CDYL2: variants seen among roughly 807,000 people sequenced by gnomAD.
The protein encoded by CDYL2 is chromodomain Y-like protein 2.
Under a neutral mutation model 49.4 loss-of-function variants are expected in CDYL2, and 23 were observed. The observed-to-expected ratio is 0.47, with a 90% confidence interval of 0.34 to 0.66. The LOEUF is 0.66. Among genes scored for constraint, CDYL2 ranks in the 30% least tolerant of loss-of-function variants. The probability of loss-of-function intolerance (pLI) is 0.01; values close to 1 mark genes in which losing one functional copy is unlikely to be tolerated. For synonymous variants in CDYL2, 360 were observed against 268.8 expected (o/e 1.34, Z -3.32); for missense variants, 678 against 656.4 (o/e 1.03, Z -0.36).
chr16:80,605,218 G>T (rs1906276597), intron 6 of CDYL2, among the ~76,000 whole-genome samples: 1 of 151,160 alleles, frequency 6.6e-6, no homozygotes, highest in Non-Finnish European at 1.5e-5. Flanking sequence ...GATCATAAAT[G>T]ATCTATGATT....
intron 1 of CDYL2, among the ~76,000 whole-genome samples, chr16:80,730,957 T>C (rs111685599): frequency 9.2e-5 from 14 of 151,382 alleles, no homozygotes; most frequent in African/African-American, 3.1e-4. Context: ...TAGGAAGGAG[T>C]GGAAAGAGTA....
At chr16:80,788,574 G>A (rs1170601283) in intron 1 of CDYL2, among the ~76,000 whole-genome samples, 1 of 152,222 alleles carries the variant, frequency 6.6e-6, no homozygotes, top group Non-Finnish European at 1.5e-5. Context: ...ACAGTGCTAT[G>A]ATAGAAGTAT....
rs59240300 is a variant in CDYL2, at chr16:80,759,102, CTATATATATATA to C, written c.24+45036_24+45047del. ...AAATGTAATATCTACAAACCATATACTATATATATATATATATATATATATATATATATATAT... is the reference window on the plus strand; with the variant it reads ...AAATGTAATATCTACAAACCATATACTATATATATATATATATATATATAT... On this transcript the variant is annotated intron_variant, in intron 1 of 6. Transcript: ENST00000570137. 8.2e-3 allele frequency among the ~76,000 whole-genome samples: 518 copies of C among 63,370 alleles called. 21 individuals carry two copies. Among genetic ancestry groups the C allele is most frequent in the African/African-American group, 0.035 (458 of 12,994 alleles). 41.6% of individuals were successfully genotyped at this position (63,370 alleles called of 152,430 possible).
intron 1 of CDYL2, among the ~76,000 whole-genome samples, chr16:80,770,081 G>A (rs189687514): frequency 6.6e-5 from 10 of 151,966 alleles, no homozygotes; most frequent in Admixed American, 1.3e-4. Flanking sequence ...ATTAAAAGAC[G>A]AGTTAAAACA....
intron 2 of CDYL2, among the ~76,000 whole-genome samples, chr16:80,676,305 T>C (rs952270629): frequency 6.6e-6 from 1 of 152,182 alleles, no homozygotes; most frequent in African/African-American, 2.4e-5. Flanking sequence ...CTTTTAAAAA[T>C]TGAAAAGGTT....
rs542989849 is a variant in CDYL2 at position 80,642,584 on chromosome 16, T to A, written c.617-9348A>T. On this transcript the variant is annotated intron_variant, in intron 2 of 6. Transcript: ENST00000570137. ...CGTTTTCACGCTGCTGACAAAGACA[T>A]CGGGTAGACTGGGAAGAAAAAGAGG... Among the ~76,000 whole-genome samples, 5 of 152,248 alleles carry A rather than the reference T, an allele frequency of 3.3e-5. No individual in the cohort carries two copies. The East Asian group carries it at 9.7e-4, about 29-fold the overall frequency.
chr16:80,712,191 G>GTATATATATATATATA (rs60399715), intron 1 of CDYL2, among the ~76,000 whole-genome samples: 201 of 107,882 alleles, frequency 1.9e-3, no homozygotes, highest in East Asian at 0.014. Flanking sequence ...GTCTGTGTGT[G>GTATATATATATATATA]TATATATATA....
chr16:80,705,207 G>T (rs536647281), intron 1 of CDYL2, among the ~76,000 whole-genome samples: 1 of 152,308 alleles, frequency 6.6e-6, no homozygotes, highest in Admixed American at 6.5e-5. Flanking sequence ...CCTCTAGCAG[G>T]ATGGCTGCTA....
rs143603224 is a variant in CDYL2, at chr16:80,781,557, T to C, written c.24+22593A>G. ...AGACCTAACAGATACATACAGAACATCCCACCCAACAACAACAGAGCATAC... is the reference window on the plus strand; with the variant it reads ...AGACCTAACAGATACATACAGAACACCCCACCCAACAACAACAGAGCATAC... On this transcript the variant is annotated intron_variant, in intron 1 of 6. Transcript: ENST00000570137. Among the ~76,000 whole-genome samples, 549 of 152,160 alleles carry C rather than the reference T, an allele frequency of 3.6e-3. 1 individual carries two copies. The highest frequency in any genetic ancestry group is 0.012 in the African/African-American group (519 of 41,522).
intron 1 of CDYL2, among the ~76,000 whole-genome samples, chr16:80,775,628 A>G (rs1393256413): frequency 1.3e-5 from 2 of 151,924 alleles, no homozygotes; most frequent in African/African-American, 4.8e-5. Flanking sequence ...GGAAAAAAGG[A>G]AAGAATGATC....
At chr16:80,631,088 GAA>G (rs1308377190) in intron 3 of CDYL2, among the ~76,000 whole-genome samples, 1 of 152,220 alleles carries the variant, frequency 6.6e-6, no homozygotes, top group Non-Finnish European at 1.5e-5. Context: ...GGGATGAACA[GAA>G]GAGACAAAAG....
intron 1 of CDYL2, among the ~76,000 whole-genome samples, chr16:80,779,077 C>T (rs62052145): frequency 1.3e-5 from 2 of 151,554 alleles, no homozygotes; most frequent in Non-Finnish European, 2.9e-5. Context: ...TCCCCTCACT[C>T]CAAGGAAGGA....
chr16:80,755,979 G>A (rs1906297152), intron 1 of CDYL2, among the ~76,000 whole-genome samples: 2 of 152,084 alleles, frequency 1.3e-5, no homozygotes, highest in Admixed American at 1.3e-4. Flanking sequence ...TAACTACTGG[G>A]TCAAGGGGTA....
chr16:80,679,876 C>G (rs1301194962), intron 2 of CDYL2: 7 of 432,924 alleles, frequency 1.6e-5, no homozygotes, highest in Non-Finnish European at 3.3e-5. Flanking sequence ...TTCTCAGGCT[C>G]CACACTACAC....
intron 2 of CDYL2, among the ~76,000 whole-genome samples, chr16:80,665,493 G>A (rs1909222531): frequency 8.5e-6 from 1 of 117,524 alleles, no homozygotes; most frequent in African/African-American, 3.6e-5. Context: ...AAGTAATTGA[G>A]GTTTTTGCCA....
At chr16:80,712,074 T>A (rs1159521826) in intron 1 of CDYL2, among the ~76,000 whole-genome samples, 1 of 150,318 alleles carries the variant, frequency 6.7e-6, no homozygotes, top group Non-Finnish European at 1.5e-5. Context: ...TAGATGTGTG[T>A]ATATAGATGT....
intron 5 of CDYL2, among the ~76,000 whole-genome samples, chr16:80,611,649 C>A (rs186743078): frequency 6.6e-6 from 1 of 152,318 alleles, no homozygotes; most frequent in East Asian, 1.9e-4. Flanking sequence ...GTGCTCAAAT[C>A]CCACAACTGG....
At chr16:80,652,955 A>C (rs1482037396) in intron 2 of CDYL2, among the ~76,000 whole-genome samples, 2 of 152,234 alleles carry the variant, frequency 1.3e-5, no homozygotes, top group Non-Finnish European at 2.9e-5. Context: ...ATATTCTCTG[A>C]ATATTCCCTG....
intron 1 of CDYL2, among the ~76,000 whole-genome samples, chr16:80,697,161 C>CA (rs1462178624): frequency 1.3e-5 from 2 of 152,090 alleles, no homozygotes; most frequent in Non-Finnish European, 1.5e-5. Flanking sequence ...AACGTAGATG[C>CA]AAAAATCCTC....
Sources: gnomAD v4.1 joint callset for allele counts (sites outside exome capture counted in the v4.1 genomes callset) on GRCh38, gnomAD v4.1.1 for gene constraint, MANE v1.5 for transcripts, NCBI Gene and HGNC (gene_info 2026-07-23, HGNC 2026-07-21) for gene names.